SLC16A1: variants seen among roughly 807,000 people sequenced by gnomAD.
SLC16A1 encodes solute carrier family 16 member 1.
In SLC16A1, 11 loss-of-function variants were observed where a neutral mutation model predicts 32.2. That is an observed-to-expected ratio of 0.34 (90% CI 0.21 to 0.56). SLC16A1 has a LOEUF of 0.56. Among genes scored for constraint, SLC16A1 ranks in the 20% least tolerant of loss-of-function variants. SLC16A1 has a pLI of 0.87. For synonymous variants in SLC16A1, 231 were observed against 226.8 expected (o/e 1.02, Z -0.17); for missense variants, 435 against 615.0 (o/e 0.71, Z 3.10).
At position 112,914,151 on chromosome 1, in the gene SLC16A1, T is replaced by C. The variant is rs371675971; in HGVS notation, c.1243A>G (p.Met415Val). 1.9e-6 allele frequency: 3 copies of C among 1,614,196 alleles called. No homozygotes were observed. The highest frequency in any genetic ancestry group is 2.2e-5 in the East Asian group (1 of 44,892). Residue 415 changes from methionine to valine, a missense_variant, in exon 5 of 5, where the codon ATG (methionine) becomes GTG (valine). Physicochemically the swap from Met to Val is conservative, Grantham distance 21. Coordinates refer to ENST00000369626, the MANE Select transcript of SLC16A1 (RefSeq NM_003051.4). ...GPPLLGRLND[M>V]YGDYKYTYWA... The stretch of plus-strand genomic sequence containing the variant: ...TATGTGTATTTGTAGTCTCCATACA[T>C]GTCATTGAGCCGACCTAAATATGTA...
chr1:112,916,627 G>A (rs533527258), intron 4 of SLC16A1, among the ~76,000 whole-genome samples: 12 of 151,344 alleles, frequency 7.9e-5, no homozygotes, highest in South Asian at 4.2e-4. Context: ...TCAGTTTTGC[G>A]ATCAGAAAAA....
At chr1:112,931,024 G>A (rs930980703) in intron 1 of SLC16A1, among the ~76,000 whole-genome samples, 55 of 152,050 alleles carry the variant, frequency 3.6e-4, no homozygotes, top group African/African-American at 1.3e-3. Flanking sequence ...CAGCCCCAAT[G>A]CTACAGGTTT....
intron 1 of SLC16A1, among the ~76,000 whole-genome samples, chr1:112,931,165 CAA>C (rs764655183): frequency 1.3e-5 from 2 of 150,204 alleles, no homozygotes; most frequent in Non-Finnish European, 3.0e-5. Context: ...TAGCAATTTA[CAA>C]AAAAAAAGAT....
chr1:112,943,661 G>A (rs186368114), intron 1 of SLC16A1, among the ~76,000 whole-genome samples: 9 of 151,792 alleles, frequency 5.9e-5, no homozygotes, highest in Middle Eastern at 3.4e-3. Flanking sequence ...GGTGGTGGGC[G>A]CCTGTAATCC....
intron 1 of SLC16A1, among the ~76,000 whole-genome samples, chr1:112,938,952 G>A (rs1199618840): frequency 4.7e-5 from 7 of 150,484 alleles, no homozygotes; most frequent in East Asian, 3.9e-4. Flanking sequence ...GTACAATGGC[G>A]CGATCTCGGC....
chr1:112,926,115 T>G (rs1409223018), intron 2 of SLC16A1, among the ~76,000 whole-genome samples: 1 of 152,238 alleles, frequency 6.6e-6, no homozygotes, highest in Non-Finnish European at 1.5e-5. Flanking sequence ...ATGATACTGG[T>G]GCACATGCTT....
chr1:112,929,550 A>AC (rs1649055900), intron 1 of SLC16A1, among the ~76,000 whole-genome samples, 198 bp from the exon 2 acceptor site: 4 of 151,872 alleles, frequency 2.6e-5, no homozygotes, highest in Admixed American at 2.6e-4. Flanking sequence ...GTCTAAGAAA[A>AC]TTTTTAAAAA....
At chr1:112,944,602 C>T (rs1329743462) in intron 1 of SLC16A1, among the ~76,000 whole-genome samples, 1 of 152,204 alleles carries the variant, frequency 6.6e-6, no homozygotes, top group African/African-American at 2.4e-5. Context: ...GATGTAAATC[C>T]TGACTTCCTT....
At chr1:112,953,635 C>G (rs1257852602) in intron 1 of SLC16A1, among the ~76,000 whole-genome samples, 1 of 152,216 alleles carries the variant, frequency 6.6e-6, no homozygotes, top group East Asian at 1.9e-4. Context: ...TCTATCTCTT[C>G]CCATTCTCTT....
In SLC16A1 at chr1:112,917,840, C is replaced by G. The variant is rs1557844308; in HGVS notation, c.566G>C (p.Cys189Ser). The G allele has an allele frequency of 1.2e-6, 2 of 1,614,058 alleles. No homozygotes were observed. Among genetic ancestry groups the G allele is most frequent in the African/African-American group, 2.7e-5 (2 of 75,006 alleles). ...TGGTCGCATGAGGGCTCCAGCAACA[C>G]AGCAGTTTAGTAGCAAGCCCCCAAG... ...LILGGLLLNC[C>S]VAGALMRPIG... Residue 189 changes from cysteine to serine, a missense_variant, in exon 4 of 5, where the codon TGT becomes TCT. By Grantham distance (112) the Cys-to-Ser change is moderately radical (BLOSUM62 -1). Around this residue, in one of 2 missense-constraint regions of SLC16A1, gnomAD observed 324 missense variants for 500.3 expected, o/e 0.65. Coordinates refer to ENST00000369626, the MANE Select transcript of SLC16A1 (RefSeq NM_003051.4). The surrounding 1 kb of genome is among the most constrained non-coding windows in gnomAD (Gnocchi z 4.1).
chr1:112,947,464 AAGAT>A (rs1178657884), intron 1 of SLC16A1, among the ~76,000 whole-genome samples: 1 of 152,228 alleles, frequency 6.6e-6, no homozygotes, highest in African/African-American at 2.4e-5. Context: ...CATTAAGAAA[AAGAT>A]AAACAACAGA....
At chr1:112,922,344 C>G in intron 2 of SLC16A1, 1 of 586,850 alleles carries the variant, frequency 1.7e-6, no homozygotes, top group Non-Finnish European at 3.0e-6. Flanking sequence ...TCTAAAAATA[C>G]TGGATGGAAT....
chr1:112,914,060 T>A lies in SLC16A1; in HGVS notation c.1334A>T (p.Tyr445Phe). Residue 445 changes from tyrosine (Y) to phenylalanine (F), a missense_variant, in exon 5 of 5, where the codon TAT (tyrosine) becomes TTT (phenylalanine). Transcript: ENST00000369626. The stretch of plus-strand genomic sequence containing the variant: ...TTTCTGTTCTTTTGCCAAAAGTCGA[T>A]AATTGATGCCCATGCCAATGAAGAG... ...IYLFIGMGIN[Y>F]RLLAKEQKAN... is the part of the protein sequence containing the mutation. The A allele has an allele frequency of 6.2e-7, 1 of 1,614,208 alleles. No homozygotes were observed. Among genetic ancestry groups the A allele is most frequent in the Non-Finnish European group, 8.5e-7 (1 of 1,180,044 alleles).
At chr1:112,950,450 T>C (rs1004257262) in intron 1 of SLC16A1, among the ~76,000 whole-genome samples, 9 of 152,228 alleles carry the variant, frequency 5.9e-5, no homozygotes, top group Admixed American at 1.3e-4. Flanking sequence ...TGATCAAATA[T>C]ATAGCTTACG....
chr1:112,919,325 C>A (rs1338389903), intron 3 of SLC16A1, among the ~76,000 whole-genome samples: 1 of 152,156 alleles, frequency 6.6e-6, no homozygotes, highest in Non-Finnish European at 1.5e-5. Flanking sequence ...TAAGCCACCG[C>A]ACCCAGCCTG....
At chr1:112,935,931 C>A (rs1557851806) in intron 1 of SLC16A1, 1 of 152,176 alleles carries the variant, frequency 6.6e-6, no homozygotes, top group Admixed American at 6.5e-5. Flanking sequence ...CTCTTACTCT[C>A]CCTTCTATGT....
At chr1:112,932,234 G>T (rs527841377) in intron 1 of SLC16A1, among the ~76,000 whole-genome samples, 2 of 152,094 alleles carry the variant, frequency 1.3e-5, no homozygotes, top group Admixed American at 6.6e-5. Context: ...ATAAAGAATG[G>T]AAAAGAAGAA....
At chr1:112,953,688 A>G (rs1037768661) in intron 1 of SLC16A1, among the ~76,000 whole-genome samples, 7 of 152,112 alleles carry the variant, frequency 4.6e-5, no homozygotes, top group African/African-American at 1.7e-4. Context: ...CAGCTCTTGC[A>G]TTACACCCTG....
At chr1:112,936,753 A>G (rs942569804) in intron 1 of SLC16A1, among the ~76,000 whole-genome samples, 3 of 152,180 alleles carry the variant, frequency 2.0e-5, no homozygotes, top group Admixed American at 2.0e-4. Context: ...TTGGAAAAGA[A>G]AAAGTAGAGA....
Sources: gnomAD v4.1 joint callset for allele counts (sites outside exome capture counted in the v4.1 genomes callset) on GRCh38, gnomAD v4.1.1 for gene constraint, gnomAD v4.1.1 regional missense constraint, Gnocchi (gnomAD v3.1) non-coding constraint, MANE v1.5 for transcripts, NCBI Gene and HGNC (gene_info 2026-07-23, HGNC 2026-07-21) for gene names.